The following RFLNA variants were observed in gnomAD, a reference collection of about 807,000 sequenced individuals.
RFLNA encodes refilin-A.
In RFLNA, 5 loss-of-function variants were observed where a neutral mutation model predicts 7.8. The ratio of observed to expected loss-of-function variants is 0.64; its 90% CI spans 0.34 to 1.35. The LOEUF (loss-of-function observed/expected upper bound fraction) is 1.35, where lower values mean the gene tolerates loss of function less well. Ranked by LOEUF, RFLNA falls within the 40% of genes most tolerant of loss-of-function variation. The pLI is 0.04. For missense variants in RFLNA, 278 were observed against 305.5 expected, an observed-to-expected ratio of 0.91 and a Z score of 0.67; for synonymous variants, 141 against 131.3, an observed-to-expected ratio of 1.07 and a Z score of -0.50.
chr12:124,289,978 T>C lies in RFLNA; in HGVS notation c.-37+608T>C, dbSNP rs1335617284. 1.3e-5 allele frequency among the ~76,000 whole-genome samples: 2 copies of C among 152,202 alleles called. No homozygotes were observed. The highest frequency in any genetic ancestry group is 4.8e-5 in the African/African-American group (2 of 41,458). ...CCGGCTGGACAGCTCAGACAGGGCCTGTAAGGAGCGTGTGATCAAGAAGCC... is the reference window on the plus strand; with the variant it reads ...CCGGCTGGACAGCTCAGACAGGGCCCGTAAGGAGCGTGTGATCAAGAAGCC... On this transcript the variant is annotated intron_variant, in intron 1 of 2. Transcript: ENST00000324038. This position sits in a 1 kb window ranked among gnomAD's most constrained non-coding sequence, Gnocchi z 5.0.
chr12:124,301,935 G>T (rs568674720), intron 1 of RFLNA, among the ~76,000 whole-genome samples: 1 of 152,316 alleles, frequency 6.6e-6, no homozygotes, highest in East Asian at 1.9e-4. Context: ...AGGCCAAGAA[G>T]TCTGAAATCG....
chr12:124,311,462 G>A (rs893779296), intron 1 of RFLNA, among the ~76,000 whole-genome samples: 1 of 152,208 alleles, frequency 6.6e-6, no homozygotes, highest in East Asian at 1.9e-4. Flanking sequence ...TTTCAGCCCT[G>A]CAAAGAGCAC....
intron 2 of RFLNA, among the ~76,000 whole-genome samples, chr12:124,312,553 C>G (rs1420210292): frequency 6.6e-6 from 1 of 152,152 alleles, no homozygotes; most frequent in Non-Finnish European, 1.5e-5. Context: ...TCAAGTGATC[C>G]TCCTGCCTCA....
At chr12:124,293,208 T>G (rs2033849898), upstream of RFLNA, among the ~76,000 whole-genome samples, 1 of 152,160 alleles carries the variant, frequency 6.6e-6, no homozygotes, top group Non-Finnish European at 1.5e-5. Context: ...ATTACAGGCG[T>G]GAGCCACCGC....
rs956306759 is a variant in RFLNA, at chr12:124,295,501, C to G, written c.72C>G (p.Asp24Glu). 1 of 1,278,458 alleles carries G rather than the reference C, an allele frequency of 7.8e-7. No homozygotes were observed. Among genetic ancestry groups the G allele is most frequent in the Non-Finnish European group, 9.8e-7 (1 of 1,015,358 alleles). The allele number at this position is 1,278,458 out of a possible 1,614,324, so 79.2% of individuals were successfully genotyped here. A position where few individuals can be genotyped will look rare whatever the true frequency, so the allele number is the denominator to read the frequency against. The change falls in exon 1 of 3, where the codon GAC becomes GAG. Residue 24 changes from aspartate to glutamate, a missense_variant. Coordinates refer to ENST00000546355, the MANE Select transcript of RFLNA (RefSeq NM_001365156.1). ...LKEQGREGLLDSPDSGLPPSP... is the reference protein window; with the variant it reads ...LKEQGREGLLESPDSGLPPSP... ...AGCAGGGCCGGGAGGGCTTGCTGGACAGCCCCGACTCCGGGCTGCCCCCCA... is the reference window on the plus strand; with the variant it reads ...AGCAGGGCCGGGAGGGCTTGCTGGAGAGCCCCGACTCCGGGCTGCCCCCCA...
At position 124,305,021 on chromosome 12, in the gene RFLNA, A is replaced by G. The variant is rs11830516; in HGVS notation, c.208-6797A>G. On this transcript the variant is annotated intron_variant, in intron 1 of 2. Coordinates refer to ENST00000546355, the MANE Select transcript of RFLNA (RefSeq NM_001365156.1). ...TATTTCTAAAAACATGGAATCATAT[A>G]GAGTCTTGCAGCTGGGGTCAGTGTT... Among the ~76,000 whole-genome samples, 1,309 of 152,322 alleles carry G rather than the reference A, an allele frequency of 8.6e-3. 14 individuals are homozygous for G. Among genetic ancestry groups the G allele is most frequent in the African/African-American group, 0.028 (1,159 of 41,568 alleles).
upstream of RFLNA, among the ~76,000 whole-genome samples, chr12:124,290,544 A>G (rs2033807711): frequency 6.6e-6 from 1 of 151,948 alleles, no homozygotes; most frequent in African/African-American, 2.4e-5. This position sits in a 1 kb window ranked among gnomAD's most constrained non-coding sequence, Gnocchi z 4.0. Context: ...TTATGTGTAT[A>G]TACATGTTTA....
At chr12:124,299,619 C>T (rs573811338) in intron 1 of RFLNA, among the ~76,000 whole-genome samples, 2 of 152,342 alleles carry the variant, frequency 1.3e-5, no homozygotes, top group East Asian at 3.9e-4. Flanking sequence ...GTTTTCCATT[C>T]CTGAGTTACT....
At chr12:124,297,114 C>A (rs1020818683) in intron 1 of RFLNA, among the ~76,000 whole-genome samples, 1 of 152,146 alleles carries the variant, frequency 6.6e-6, no homozygotes, top group African/African-American at 2.4e-5. Context: ...CCCCGTGGTG[C>A]CTTGCACAGT....
At chr12:124,290,319 C>T (rs773300795), upstream of RFLNA, among the ~76,000 whole-genome samples, 13 of 151,460 alleles carry the variant, frequency 8.6e-5, no homozygotes, top group Non-Finnish European at 1.6e-4. This position sits in a 1 kb window ranked among gnomAD's most constrained non-coding sequence, Gnocchi z 4.0. Context: ...TTTGTGTGTC[C>T]ATGTATGTGC....
upstream of RFLNA, among the ~76,000 whole-genome samples, chr12:124,290,247 C>T (rs904648): frequency 0.76 from 115,703 of 152,110 alleles, 44,191 homozygotes; most frequent in Middle Eastern, 0.85. This position sits in a 1 kb window ranked among gnomAD's most constrained non-coding sequence, Gnocchi z 4.0. Flanking sequence ...TGTAGACATG[C>T]GTGTATACGT....
chr12:124,300,757 T>C lies in RFLNA; in HGVS notation c.207+5121T>C, dbSNP rs1214214183. On this transcript the variant is annotated intron_variant, in intron 1 of 2. Transcript: ENST00000546355. Reference sequence around the variant, plus strand: ...ATGGATGGATGGATGGATGGATGGATGGATGGATGGATGGATTGACGGATG... The same window carrying C: ...ATGGATGGATGGATGGATGGATGGACGGATGGATGGATGGATTGACGGATG... Among the ~76,000 whole-genome samples the C allele has an allele frequency of 4.4e-3, 586 of 133,348 alleles. 2 individuals carry two copies. The highest frequency in any genetic ancestry group is 0.015 in the African/African-American group (490 of 33,440). The allele number at this position is 133,348 out of a possible 152,430, so 87.5% of individuals were successfully genotyped here. A position where few individuals can be genotyped will look rare whatever the true frequency, so the allele number is the denominator to read the frequency against.
chr12:124,298,082 C>G (rs572266672), intron 1 of RFLNA, among the ~76,000 whole-genome samples: 3 of 152,136 alleles, frequency 2.0e-5, no homozygotes, highest in African/African-American at 7.2e-5. Context: ...AGGTTCAGAC[C>G]GCGTTTGGCA....
chr12:124,304,799 CT>C (rs2034109813), intron 1 of RFLNA, among the ~76,000 whole-genome samples: 1 of 152,228 alleles, frequency 6.6e-6, no homozygotes, highest in South Asian at 2.1e-4. Flanking sequence ...TTTATGTCCC[CT>C]TCCACACTGG....
At chr12:124,305,157 G>A (rs568873525) in intron 1 of RFLNA, among the ~76,000 whole-genome samples, 1 of 152,334 alleles carries the variant, frequency 6.6e-6, no homozygotes, top group Non-Finnish European at 1.5e-5. Flanking sequence ...AGTAAGAAGT[G>A]TTGTTTTAGG....
chr12:124,314,068 G>C (rs2034302596), intron 2 of RFLNA, 124 bp from the exon 3 acceptor site: 1 of 1,263,732 alleles, frequency 7.9e-7, no homozygotes, highest in Non-Finnish European at 1.1e-6. Flanking sequence ...TGACATTTCA[G>C]AGCAGCCCAC....
intron 2 of RFLNA, among the ~76,000 whole-genome samples, chr12:124,312,142 G>A (rs1392321044): frequency 6.6e-6 from 1 of 151,968 alleles, no homozygotes; most frequent in Non-Finnish European, 1.5e-5. Context: ...GACCCCAAGG[G>A]ACCCTCTGTA....
chr12:124,300,068 T>C (rs1449499783), intron 1 of RFLNA, among the ~76,000 whole-genome samples: 1 of 152,176 alleles, frequency 6.6e-6, no homozygotes, highest in Non-Finnish European at 1.5e-5. Flanking sequence ...TTACATTGTG[T>C]TCTCTGGGGT....
Position 124,304,749 on chromosome 12 carries a change from C to G in RFLNA, c.208-7069C>G, listed in dbSNP as rs556788112. Among the ~76,000 whole-genome samples the G allele has an allele frequency of 9.2e-5, 14 of 152,350 alleles. 1 individual carries two copies. Among genetic ancestry groups the G allele is most frequent in the Middle Eastern group, 3.4e-3 (1 of 294 alleles). On this transcript the variant is annotated intron_variant, in intron 1 of 2. Coordinates refer to ENST00000546355, the MANE Select transcript of RFLNA (RefSeq NM_001365156.1). Reference sequence around the variant, plus strand: ...CTCTCCCTCCAGCCCTTCCACTTGTCTGGACAGAAGAAACACCTCCCCAAA... The same window carrying G: ...CTCTCCCTCCAGCCCTTCCACTTGTGTGGACAGAAGAAACACCTCCCCAAA...
Sources: allele counts gnomAD v4.1 joint callset (sites outside exome capture counted in the v4.1 genomes callset), GRCh38; gene constraint gnomAD v4.1.1; non-coding constraint Gnocchi (gnomAD v3.1); transcripts MANE v1.5; gene names NCBI Gene and HGNC (gene_info 2026-07-23, HGNC 2026-07-21).